The following EDIL3 variants were observed in gnomAD, a reference collection of about 807,000 sequenced individuals.
The protein encoded by EDIL3 is EGF-like repeat and discoidin I-like domain-containing protein 3.
EDIL3 carries 37 observed loss-of-function variants against 67.4 expected under a neutral mutation model. The ratio of observed to expected loss-of-function variants is 0.55; its 90% CI spans 0.42 to 0.72. The LOEUF (loss-of-function observed/expected upper bound fraction) is 0.72, where lower values mean the gene tolerates loss of function less well. EDIL3 is among the 30% of genes least tolerant of loss of function. The pLI is 0.00. For missense variants in EDIL3, 527 were observed against 586.3 expected, an observed-to-expected ratio of 0.90 and a Z score of 1.04; for synonymous variants, 195 against 196.3, an observed-to-expected ratio of 0.99 and a Z score of 0.05.
chr5:84,199,557 G>A (rs758558373), intron 3 of EDIL3, among the ~76,000 whole-genome samples: 10 of 152,042 alleles, frequency 6.6e-5, no homozygotes, highest in Admixed American at 1.3e-4. Flanking sequence ...CCAGGATAGA[G>A]CACAGGGCTT....
intron 1 of EDIL3, among the ~76,000 whole-genome samples, chr5:84,282,704 C>T (rs913177773): frequency 2.6e-5 from 4 of 152,088 alleles, no homozygotes; most frequent in Non-Finnish European, 2.9e-5. Context: ...ACTTATATTC[C>T]CACCACCAGT....
At chr5:84,312,694 C>T (rs190920603) in intron 1 of EDIL3, among the ~76,000 whole-genome samples, 37 of 152,172 alleles carry the variant, frequency 2.4e-4, no homozygotes, top group South Asian at 2.1e-4. Context: ...CAGGCAGAGG[C>T]GCCCCTCACC....
At chr5:84,357,645 T>C (rs1747516270) in intron 1 of EDIL3, among the ~76,000 whole-genome samples, 1 of 152,042 alleles carries the variant, frequency 6.6e-6, no homozygotes, top group Non-Finnish European at 1.5e-5. Context: ...TCCCAGCACG[T>C]GGGAAGGCTG....
intron 1 of EDIL3, among the ~76,000 whole-genome samples, chr5:84,302,479 G>T (rs566508766): frequency 2.0e-5 from 3 of 152,178 alleles, no homozygotes; most frequent in African/African-American, 7.2e-5. Context: ...TGTATTTTTA[G>T]TAAAGACGGG....
chr5:84,148,037 T>G (rs1262180814), intron 4 of EDIL3, among the ~76,000 whole-genome samples: 1 of 152,132 alleles, frequency 6.6e-6, no homozygotes, highest in Non-Finnish European at 1.5e-5. Context: ...ATCTTATACT[T>G]CTAAAGCTAT....
At chr5:84,035,474 T>C (rs892100334) in intron 9 of EDIL3, among the ~76,000 whole-genome samples, 8 of 152,184 alleles carry the variant, frequency 5.3e-5, no homozygotes, top group Non-Finnish European at 8.8e-5. Context: ...TAATCCATTG[T>C]AAATAGTTAT....
At chr5:84,097,185 T>C (rs1474159424) in intron 6 of EDIL3, among the ~76,000 whole-genome samples, 1 of 152,154 alleles carries the variant, frequency 6.6e-6, no homozygotes, top group African/African-American at 2.4e-5. Flanking sequence ...ACAAATTCTA[T>C]GGCACATAAA....
chr5:84,198,140 C>G (rs1363036348), intron 3 of EDIL3, among the ~76,000 whole-genome samples: 2 of 151,798 alleles, frequency 1.3e-5, no homozygotes. Flanking sequence ...TCTAATGGTA[C>G]CAATCTCTGC....
chr5:83,984,859 G>A (rs754829261), intron 9 of EDIL3, among the ~76,000 whole-genome samples: 7 of 151,898 alleles, frequency 4.6e-5, no homozygotes, highest in Non-Finnish European at 8.8e-5. Context: ...TTGAAGGAGA[G>A]GGGGAATGCA....
At chr5:84,138,548 T>C (rs1364997215) in intron 4 of EDIL3, among the ~76,000 whole-genome samples, 1 of 152,214 alleles carries the variant, frequency 6.6e-6, no homozygotes, top group African/African-American at 2.4e-5. Context: ...TATCAAATGA[T>C]AGTTCTGAAG....
chr5:84,283,893 G>C (rs1042832999), intron 1 of EDIL3, among the ~76,000 whole-genome samples: 1 of 152,046 alleles, frequency 6.6e-6, no homozygotes, highest in Non-Finnish European at 1.5e-5. Context: ...AAACTTTTCA[G>C]TGAAAAGCAC....
intron 6 of EDIL3, among the ~76,000 whole-genome samples, chr5:84,100,802 C>T (rs959553369): frequency 8.6e-5 from 13 of 152,004 alleles, no homozygotes; most frequent in Admixed American, 5.2e-4. Context: ...AATAAATACA[C>T]CAATTTTGAT....
intron 1 of EDIL3, among the ~76,000 whole-genome samples, chr5:84,343,587 C>G (rs1747169984): frequency 6.6e-6 from 1 of 151,988 alleles, no homozygotes; most frequent in African/African-American, 2.4e-5. Context: ...TATAATATCT[C>G]CATGAGAACT....
intron 5 of EDIL3, among the ~76,000 whole-genome samples, chr5:84,131,272 T>A (rs1051266278): frequency 2.6e-5 from 4 of 152,172 alleles, no homozygotes; most frequent in African/African-American, 9.6e-5. Flanking sequence ...ATCAATTCCA[T>A]CTGCAGATAA....
At chr5:84,254,756 A>C (rs541825558) in intron 1 of EDIL3, among the ~76,000 whole-genome samples, 190 of 152,296 alleles carry the variant, frequency 1.2e-3, no homozygotes, top group African/African-American at 4.3e-3. Flanking sequence ...CATGTGAATG[A>C]ATTCAGGCTA....
chr5:84,099,806 G>A (rs555414787), intron 6 of EDIL3, among the ~76,000 whole-genome samples: 20 of 151,984 alleles, frequency 1.3e-4, no homozygotes, highest in African/African-American at 4.8e-4. Flanking sequence ...CTACAGAATG[G>A]GAGAACATTT....
chr5:84,209,656 ACT>A (rs923354621), intron 3 of EDIL3, among the ~76,000 whole-genome samples: 11 of 151,950 alleles, frequency 7.2e-5, no homozygotes, highest in Admixed American at 5.2e-4. Flanking sequence ...GAAAAACTTG[ACT>A]CTTTCACGAC....
At chr5:84,079,827 A>T (rs1028564860) in intron 6 of EDIL3, among the ~76,000 whole-genome samples, 14 of 152,090 alleles carry the variant, frequency 9.2e-5, no homozygotes, top group Non-Finnish European at 8.8e-5. Flanking sequence ...AAGCACAGTT[A>T]AAAAAGTTAC....
chr5:83,969,539 A>G (rs1375918312), intron 9 of EDIL3, among the ~76,000 whole-genome samples: 1 of 151,752 alleles, frequency 6.6e-6, no homozygotes, highest in Non-Finnish European at 1.5e-5. Flanking sequence ...TTTGTTTCCA[A>G]TTCTTTTACT....
Sources: allele counts gnomAD v4.1 joint callset (sites outside exome capture counted in the v4.1 genomes callset), GRCh38; gene constraint gnomAD v4.1.1; transcripts MANE v1.5; gene names NCBI Gene and HGNC (gene_info 2026-07-23, HGNC 2026-07-21).